ASH2L: variants seen among roughly 807,000 people sequenced by gnomAD.
ASH2L encodes set1/Ash2 histone methyltransferase complex subunit ASH2.
A neutral mutation model predicts 81.1 loss-of-function variants in ASH2L; 30 were observed. The observed-to-expected ratio is 0.37, with a 90% confidence interval of 0.28 to 0.50. The LOEUF is 0.50. Ranked by LOEUF, ASH2L falls within the 20% of genes least tolerant of loss-of-function variation. ASH2L has a pLI of 0.95. For synonymous variants in ASH2L, 273 were observed against 279.9 expected (o/e 0.98, Z 0.24); for missense variants, 559 against 792.1 (o/e 0.71, Z 3.53).
At chr8:38,138,925 G>T (rs376579947) in intron 15 of ASH2L, 39 bp from the exon 16 acceptor site, 7 of 1,613,510 alleles carry the variant, frequency 4.3e-6, no homozygotes, top group Non-Finnish European at 5.9e-6. Context: ...CTCCGTGGCT[G>T]CTGTAGTCAC....
chr8:38,126,074 G>A (rs1386194160), intron 10 of ASH2L, among the ~76,000 whole-genome samples: 1 of 151,884 alleles, frequency 6.6e-6, no homozygotes, highest in Non-Finnish European at 1.5e-5. Flanking sequence ...ATGATGGCAG[G>A]CACCTGTAAT....
rs1044360470 is a variant in ASH2L, at chr8:38,133,685, C to T, written c.1620+139C>T. ...TAGCCCCACTGGCCAGCGGCAAGCT[C>T]ACCCTCTGCTTATTGTGTTTTGCTC... On this transcript the variant is annotated intron_variant, in intron 13 of 15. Transcript: ENST00000343823. The T allele has an allele frequency of 7.8e-6, 5 of 639,248 alleles. No individual in the cohort carries two copies. In the Middle Eastern group the frequency reaches 1.5e-3, roughly 198 times the overall value. The allele number at this position is 639,248 out of a possible 1,614,324, so 39.6% of individuals were successfully genotyped here.
intron 8 of ASH2L, 91 bp from the exon 9 acceptor site, chr8:38,119,179 C>A (rs920730796): frequency 8.9e-7 from 1 of 1,124,750 alleles, no homozygotes; most frequent in Non-Finnish European, 1.3e-6. Flanking sequence ...TACACAAATG[C>A]ACATTGGGTG....
chr8:38,115,366 T>C (rs1012862992), intron 7 of ASH2L, among the ~76,000 whole-genome samples: 1 of 152,254 alleles, frequency 6.6e-6, no homozygotes, highest in Admixed American at 6.5e-5. Context: ...AGAATTTGTT[T>C]TGAAGAATTT....
At chr8:38,116,612 T>G (rs1810913371) in intron 7 of ASH2L, 38 bp from the exon 8 acceptor site, 2 of 1,512,950 alleles carry the variant, frequency 1.3e-6, no homozygotes, top group East Asian at 4.5e-5. Context: ...TTGACTGACT[T>G]ACGTAGACTC....
chr8:38,105,559 G>A lies in ASH2L; in HGVS notation c.9G>A (p.Ala3=), dbSNP rs188485626. 798 of 1,568,806 alleles carry A rather than the reference G, an allele frequency of 5.1e-4. 3 individuals carry two copies. The African/African-American group carries it at 9.9e-3, about 19-fold the overall frequency. MA[A]AGAGPGQEAG... is the part of the protein sequence containing the mutation. ...GTCCAGGGGTGGCCGTGATGGCGGC[G>A]GCAGGAGCAGGACCTGGCCAGGAAG... is the stretch of plus-strand genomic sequence containing the variant. The change falls in exon 1 of 16, where the codon GCG becomes GCA. Residue 3 remains alanine (A), a synonymous_variant. Coordinates refer to ENST00000343823, the MANE Select transcript of ASH2L (RefSeq NM_004674.5).
intron 8 of ASH2L, chr8:38,117,529 A>G: frequency 1.0e-6 from 1 of 965,152 alleles, no homozygotes; most frequent in Non-Finnish European, 1.2e-6. Context: ...TGGTTTGGAA[A>G]ATGCTTTTTG....
chr8:38,134,184 C>T (rs528077378), intron 13 of ASH2L, among the ~76,000 whole-genome samples: 38 of 152,234 alleles, frequency 2.5e-4, no homozygotes, highest in African/African-American at 8.2e-4. Context: ...ACAAACACTG[C>T]GGAAGGCCGC....
chr8:38,114,137 T>C, intron 5 of ASH2L, 55 bp from the exon 6 acceptor site: 2 of 1,077,104 alleles, frequency 1.9e-6, no homozygotes, highest in Non-Finnish European at 2.7e-6. Context: ...TTTCTTTCTT[T>C]GTCAGCATAT....
chr8:38,121,794 C>A (rs1178703439), intron 10 of ASH2L, among the ~76,000 whole-genome samples: 1 of 152,202 alleles, frequency 6.6e-6, no homozygotes, highest in Non-Finnish European at 1.5e-5. Flanking sequence ...AGCATCATCT[C>A]ATGGGATTCA....
intron 3 of ASH2L, among the ~76,000 whole-genome samples, chr8:38,107,933 T>G (rs1810520365): frequency 6.6e-6 from 1 of 151,506 alleles, no homozygotes; most frequent in African/African-American, 2.4e-5. Context: ...CATATATATA[T>G]GTTTTCTTGT....
rs368551916 is a variant in ASH2L, at chr8:38,128,749, T to C, written c.1334-9T>C. The C allele has an allele frequency of 9.4e-6, 15 of 1,603,192 alleles. No individual in the cohort carries two copies. Among genetic ancestry groups the C allele is most frequent in the Non-Finnish European group, 1.2e-5 (14 of 1,177,814 alleles). On this transcript the variant is annotated splice_polypyrimidine_tract_variant and intron_variant, in intron 11 of 15. Transcript: ENST00000343823. ...TTCTGACTTCCTGTGTATGTTTTTA[T>C]TGGGACAGGAAACCTTCAAGCTCCT... is the stretch of plus-strand genomic sequence containing the variant.
chr8:38,134,319 GAA>G (rs754470089), intron 13 of ASH2L, among the ~76,000 whole-genome samples: 2 of 130,030 alleles, frequency 1.5e-5, no homozygotes, highest in Admixed American at 7.8e-5. Context: ...AATGATCAAT[GAA>G]AAAAAAAAAA....
In ASH2L at chr8:38,114,249, G is replaced by A; in HGVS notation, c.643G>A (p.Gly215Arg). ...GTGCATGACAACCAGACAGAGACCT[G>A]GGAAAATGACTTGGCCAAATAACAT... ...WECMTTRQRP[G>R]KMTWPNNIVK... is the part of the protein sequence containing the mutation. Residue 215 changes from glycine to arginine, a missense_variant, in exon 6 of 16, where the codon GGG (glycine) becomes AGG (arginine). Transcript: ENST00000343823. The A allele has an allele frequency of 6.2e-7, 1 of 1,607,182 alleles. No homozygotes were observed. Among genetic ancestry groups the A allele is most frequent in the Non-Finnish European group, 8.5e-7 (1 of 1,176,880 alleles).
intron 9 of ASH2L, among the ~76,000 whole-genome samples, chr8:38,119,670 T>G (rs190673854): frequency 1.3e-5 from 2 of 151,856 alleles, no homozygotes; most frequent in African/African-American, 4.8e-5. Flanking sequence ...GCAGGTGTAG[T>G]GGTGAGCGCC....
intron 10 of ASH2L, chr8:38,124,214 A>AT (rs111675344): frequency 2.1e-4 from 30 of 145,354 alleles, no homozygotes; most frequent in African/African-American, 2.8e-4. Flanking sequence ...ATTTTATTTT[A>AT]TTTTTTTTTT....
Position 38,121,137 on chromosome 8 carries a change from C to T in ASH2L, c.1153C>T (p.Leu385=), listed in dbSNP as rs781138473. The change falls in exon 10 of 16, where the codon CTA becomes TTA. Residue 385 remains leucine (L), a synonymous_variant. Coordinates refer to ENST00000343823, the MANE Select transcript of ASH2L (RefSeq NM_004674.5). ...ACLYERVLLA[L]HDRAPQLKIS... ...CTTGTATGAACGGGTTTTGTTAGCC[C>T]TACATGATCGAGGTATGTAAAGTAT... 7 of 1,613,122 alleles carry T rather than the reference C, an allele frequency of 4.3e-6. No homozygotes were observed. Among genetic ancestry groups the T allele is most frequent in the Non-Finnish European group, 5.9e-6 (7 of 1,179,780 alleles).
chr8:38,128,682 T>C, intron 11 of ASH2L, 76 bp from the exon 12 acceptor site: 2 of 1,551,248 alleles, frequency 1.3e-6, no homozygotes, highest in Non-Finnish European at 1.7e-6. Flanking sequence ...TAAAAAGAAA[T>C]AGGATCTTTT....
At chr8:38,110,683 TG>T in intron 4 of ASH2L, 55 bp from the exon 5 acceptor site, 1 of 1,406,372 alleles carries the variant, frequency 7.1e-7, no homozygotes, top group Non-Finnish European at 1.0e-6. Context: ...AGTATTCCCT[TG>T]GTAGTAGAGA....
Sources: gnomAD v4.1 joint callset for allele counts (sites outside exome capture counted in the v4.1 genomes callset) on GRCh38, gnomAD v4.1.1 for gene constraint, MANE v1.5 for transcripts, NCBI Gene and HGNC (gene_info 2026-07-23, HGNC 2026-07-21) for gene names.